Variants in ZNF423 observed in about 807,000 individuals in gnomAD.
The protein encoded by ZNF423 is Ebf-associated zinc finger protein.
A neutral mutation model predicts 95.8 loss-of-function variants in ZNF423; 12 were observed. The ratio of observed to expected loss-of-function variants is 0.13; its 90% CI spans 0.08 to 0.20. ZNF423 has a LOEUF of 0.20. Ranked by LOEUF, ZNF423 falls within the 10% of genes least tolerant of loss-of-function variation. The pLI, the probability that ZNF423 is intolerant of heterozygous loss-of-function variation, is 1.00. For synonymous variants in ZNF423, 749 were observed against 711.9 expected, an observed-to-expected ratio of 1.05 and a Z score of -0.83; for missense variants, 1,316 against 1,737.1, an observed-to-expected ratio of 0.76 and a Z score of 4.31.
intron 2 of ZNF423, among the ~76,000 whole-genome samples, chr16:49,759,873 CT>C (rs2033795576): frequency 6.6e-6 from 1 of 152,026 alleles, no homozygotes; most frequent in African/African-American, 2.4e-5. Flanking sequence ...CCCTTTGGCC[CT>C]GGTTCTCTTT....
rs750015075 is a variant in ZNF423 at position 49,635,801 on chromosome 16, A to C, written c.3375T>G (p.Cys1125Trp). The C allele has an allele frequency of 1.9e-6, 3 of 1,611,836 alleles. No individual in the cohort carries two copies. In the South Asian group the frequency reaches 3.3e-5, roughly 18 times the overall value. Residue 1125 changes from cysteine to tryptophan, a missense_variant, in exon 4 of 8, where the codon TGT becomes TGG. By Grantham distance (215) the Cys-to-Trp change is radical (BLOSUM62 -2). Around this residue, in one of 6 missense-constraint regions of ZNF423, gnomAD observed 620 missense variants for 775.6 expected, o/e 0.80. Transcript: ENST00000563137. The surrounding 1 kb of genome is among the most constrained non-coding windows in gnomAD (Gnocchi z 4.8). ...LAPPEPADRP[C>W]AGLRCPECSV... Reference sequence around the variant, plus strand: ...TGCACTCGGGGCAACGGAGGCCGGCACAGGGCCGGTCGGCGGGCTCGGGCG... The same window carrying C: ...TGCACTCGGGGCAACGGAGGCCGGCCCAGGGCCGGTCGGCGGGCTCGGGCG...
upstream of ZNF423, among the ~76,000 whole-genome samples, chr16:49,857,397 G>T (rs1285233688): frequency 6.6e-6 from 1 of 151,666 alleles, no homozygotes; most frequent in South Asian, 2.1e-4. The surrounding 1 kb of genome is among the most constrained non-coding windows in gnomAD (Gnocchi z 6.2). Context: ...TGCACCGGGG[G>T]CAGGAGGAGG....
intron 5 of ZNF423, among the ~76,000 whole-genome samples, chr16:49,596,084 C>G (rs573020603): frequency 6.6e-6 from 1 of 152,032 alleles, no homozygotes; most frequent in Non-Finnish European, 1.5e-5. Flanking sequence ...GGCAGGGGTG[C>G]AGTATTTTCG....
In ZNF423 at chr16:49,855,068, CT is replaced by C; in HGVS notation, c.40+666del. On this transcript the variant is annotated intron_variant, in intron 1 of 7. Transcript: ENST00000563137. The surrounding 1 kb of genome is among the most constrained non-coding windows in gnomAD (Gnocchi z 4.7). The stretch of plus-strand genomic sequence containing the variant: ...ACAATGAACTCCTGGCGGAGGCTCC[CT>C]GCCCGGTGGGCCTCGGTGGAGGAGG... 1.0e-6 allele frequency: 1 copy of C among 983,782 alleles called. No individual in the cohort carries two copies. The allele number at this position is 983,782 out of a possible 1,614,324, so 60.9% of individuals were successfully genotyped here.
intron 1 of ZNF423, among the ~76,000 whole-genome samples, chr16:49,845,056 A>AAAC (rs1328082563): frequency 1.3e-5 from 2 of 150,512 alleles, no homozygotes; most frequent in Admixed American, 6.6e-5. Flanking sequence ...AAAAAAAAAA[A>AAAC]AAAAAAACAA....
In ZNF423 at chr16:49,490,325, G is replaced by A. The variant is rs920587095; in HGVS notation, c.*950C>T. On this transcript the variant is annotated 3_prime_UTR_variant, in exon 8 of 8. Coordinates refer to ENST00000563137, the MANE Select transcript of ZNF423 (RefSeq NM_001379286.1). The stretch of plus-strand genomic sequence containing the variant: ...CTGCGTGGCCTTGGGAAAGCTGCAC[G>A]TTACCCTTGGGCCTCTGTTTCCCCA... 1.3e-5 allele frequency: 2 copies of A among 152,254 alleles called. No individual in the cohort carries two copies. Among genetic ancestry groups the A allele is most frequent in the Admixed American group, 6.5e-5 (1 of 15,268 alleles). The allele number at this position is 152,254 out of a possible 1,614,324, so 9.4% of individuals were successfully genotyped here. A position where few individuals can be genotyped will look rare whatever the true frequency, so the allele number is the denominator to read the frequency against.
intron 3 of ZNF423, among the ~76,000 whole-genome samples, chr16:49,647,925 T>C (rs1361646777): frequency 6.6e-6 from 1 of 152,202 alleles, no homozygotes; most frequent in African/African-American, 2.4e-5. Flanking sequence ...GAAGTGGCTC[T>C]GGAATTGGGC....
chr16:49,812,191 G>A (rs1048871381), intron 1 of ZNF423, among the ~76,000 whole-genome samples: 2 of 152,206 alleles, frequency 1.3e-5, no homozygotes, highest in Non-Finnish European at 2.9e-5. Flanking sequence ...ACTTGCTCAC[G>A]GTCACACAGC....
chr16:49,730,717 T>C (rs757592981), intron 3 of ZNF423, 54 bp downstream of exon 3: 3 of 1,577,686 alleles, frequency 1.9e-6, no homozygotes, highest in African/African-American at 2.7e-5. Context: ...GCTGTTGCTA[T>C]GTCCAATTAC....
At chr16:49,693,212 A>G (rs749042468) in intron 3 of ZNF423, among the ~76,000 whole-genome samples, 1 of 152,202 alleles carries the variant, frequency 6.6e-6, no homozygotes, top group Non-Finnish European at 1.5e-5. Flanking sequence ...TCAAATATCT[A>G]TTAAGCATCT....
chr16:49,722,953 ATT>A (rs10533611), intron 3 of ZNF423, among the ~76,000 whole-genome samples: 15,003 of 130,704 alleles, frequency 0.11, 942 homozygotes, highest in South Asian at 0.26. Context: ...CGGGGTTCTA[ATT>A]TTTTTTTTTT....
intron 5 of ZNF423, among the ~76,000 whole-genome samples, chr16:49,541,136 C>T (rs1236334029): frequency 2.0e-5 from 3 of 152,206 alleles, no homozygotes; most frequent in Admixed American, 1.3e-4. Context: ...CTTCCCTCCC[C>T]TAGAACAGGT....
At chr16:49,571,301 G>A (rs975935321) in intron 5 of ZNF423, among the ~76,000 whole-genome samples, 49 of 151,892 alleles carry the variant, frequency 3.2e-4, no homozygotes, top group African/African-American at 1.1e-3. Flanking sequence ...TGCCCACCAG[G>A]AGCTCCCAGT....
chr16:49,645,766 T>C (rs1973148027), intron 3 of ZNF423, among the ~76,000 whole-genome samples: 1 of 152,200 alleles, frequency 6.6e-6, no homozygotes, highest in Admixed American at 6.5e-5. Context: ...AACTGAATCA[T>C]GGGGGTGGTT....
chr16:49,518,961 A>G lies in ZNF423; in HGVS notation c.3849+4663T>C, dbSNP rs140811317. Among the ~76,000 whole-genome samples the G allele has an allele frequency of 1.7e-3, 265 of 152,308 alleles. 1 individual carries two copies. Among genetic ancestry groups the G allele is most frequent in the African/African-American group, 5.8e-3 (243 of 41,564 alleles). On this transcript the variant is annotated intron_variant, in intron 7 of 7. Transcript: ENST00000563137. ...CACCTATAGTCCCAGCCACTCAGGAAGCTGAGGTGAAAGGATGACATGAGC... is the reference window on the plus strand; with the variant it reads ...CACCTATAGTCCCAGCCACTCAGGAGGCTGAGGTGAAAGGATGACATGAGC...
At chr16:49,558,312 A>T (rs1969904373) in intron 5 of ZNF423, among the ~76,000 whole-genome samples, 1 of 152,102 alleles carries the variant, frequency 6.6e-6, no homozygotes, top group Non-Finnish European at 1.5e-5. Context: ...CAGCACTTAA[A>T]CTCTGCTTGG....
intron 5 of ZNF423, among the ~76,000 whole-genome samples, chr16:49,610,445 G>C (rs544553781): frequency 1.4e-4 from 22 of 152,214 alleles, no homozygotes; most frequent in Admixed American, 1.0e-3. Context: ...CATTTCACTT[G>C]AACTGGTAAG....
Position 49,575,207 on chromosome 16 carries a change from G to C in ZNF423, c.3602-49713C>G, listed in dbSNP as rs182162898. Among the ~76,000 whole-genome samples, 14 of 152,176 alleles carry C rather than the reference G, an allele frequency of 9.2e-5. No homozygotes were observed. The East Asian group carries it at 2.7e-3, about 29-fold the overall frequency. On this transcript the variant is annotated intron_variant, in intron 5 of 7. Coordinates refer to ENST00000563137, the MANE Select transcript of ZNF423 (RefSeq NM_001379286.1). ...AAGAGAACTTAGGCAATTCATTTGC[G>C]ATCACCAGGGGTTTCACTTGCTTTC...
intron 3 of ZNF423, chr16:49,711,461 A>G (rs2032541273): frequency 6.6e-6 from 1 of 152,230 alleles, no homozygotes; most frequent in Non-Finnish European, 1.5e-5. Flanking sequence ...GATAGATCCA[A>G]TATGGTATCA....
Sources: allele counts gnomAD v4.1 joint callset (sites outside exome capture counted in the v4.1 genomes callset), GRCh38; gene constraint gnomAD v4.1.1; regional missense constraint gnomAD v4.1.1; non-coding constraint Gnocchi (gnomAD v3.1); transcripts MANE v1.5; gene names NCBI Gene and HGNC (gene_info 2026-07-23, HGNC 2026-07-21).